The following SGCZ variants were observed in gnomAD, a reference collection of about 807,000 sequenced individuals.
The protein encoded by SGCZ is sarcoglycan zeta.
Under a neutral mutation model 41.3 loss-of-function variants are expected in SGCZ, and 40 were observed. The ratio of observed to expected loss-of-function variants is 0.97; its 90% CI spans 0.75 to 1.26. The LOEUF is 1.26. SGCZ is among the 50% of genes most tolerant of loss of function. The pLI is 0.00. For missense variants in SGCZ, 552 were observed against 369.8 expected (o/e 1.49, Z -4.04); for synonymous variants, 206 against 137.5 (o/e 1.50, Z -3.49).
At chr8:14,158,470 C>G (rs1407940421) in intron 5 of SGCZ, among the ~76,000 whole-genome samples, 1 of 152,108 alleles carries the variant, frequency 6.6e-6, no homozygotes, top group Non-Finnish European at 1.5e-5. Flanking sequence ...TAGTCTGCCT[C>G]TCCCAGTCCA....
chr8:15,198,891 G>T (rs1331002491), intron 1 of SGCZ, among the ~76,000 whole-genome samples: 2 of 152,070 alleles, frequency 1.3e-5, no homozygotes, highest in Non-Finnish European at 2.9e-5. Context: ...GTCAGATTTA[G>T]GTATCAAGGA....
chr8:14,838,578 T>C (rs931617384), intron 1 of SGCZ, among the ~76,000 whole-genome samples: 2 of 152,162 alleles, frequency 1.3e-5, no homozygotes, highest in Non-Finnish European at 2.9e-5. Flanking sequence ...TGAAGCTGTT[T>C]ACCTCCCCTG....
At chr8:14,501,071 A>G (rs541608632) in intron 2 of SGCZ, among the ~76,000 whole-genome samples, 1 of 152,188 alleles carries the variant, frequency 6.6e-6, no homozygotes, top group South Asian at 2.1e-4. Flanking sequence ...AGCTGTTAGT[A>G]GGGTTGCATT....
chr8:14,313,567 C>T (rs1175707822), intron 3 of SGCZ, among the ~76,000 whole-genome samples: 1 of 152,144 alleles, frequency 6.6e-6, no homozygotes, highest in Non-Finnish European at 1.5e-5. Context: ...TCTGCCTGAC[C>T]TCAAGTGGTC....
chr8:15,029,279 A>T (rs895061215), intron 1 of SGCZ, among the ~76,000 whole-genome samples: 5 of 152,090 alleles, frequency 3.3e-5, no homozygotes, highest in African/African-American at 1.2e-4. Context: ...AGCACTTAGA[A>T]TTAGCAGTGG....
At chr8:14,873,547 G>C (rs775371828) in intron 1 of SGCZ, among the ~76,000 whole-genome samples, 2 of 152,072 alleles carry the variant, frequency 1.3e-5, no homozygotes, top group African/African-American at 4.8e-5. Context: ...TTGAGATCAA[G>C]AGTAGCCGTT....
chr8:15,193,963 G>A (rs909922987), intron 1 of SGCZ, among the ~76,000 whole-genome samples: 19 of 152,030 alleles, frequency 1.2e-4, no homozygotes, highest in Non-Finnish European at 2.8e-4. Flanking sequence ...TAAAAGCTGG[G>A]CAAATTCTCA....
intron 1 of SGCZ, among the ~76,000 whole-genome samples, chr8:14,848,725 A>C (rs935835453): frequency 2.0e-5 from 3 of 152,210 alleles, no homozygotes; most frequent in African/African-American, 7.2e-5. Context: ...GTAAATCCTA[A>C]AGCAATAAAA....
intron 1 of SGCZ, among the ~76,000 whole-genome samples, chr8:14,584,537 T>A (rs922004861): frequency 1.3e-5 from 2 of 152,080 alleles, no homozygotes; most frequent in Admixed American, 6.6e-5. Flanking sequence ...GGGAGACAGA[T>A]GAGAAACGTG....
intron 2 of SGCZ, among the ~76,000 whole-genome samples, chr8:14,422,286 G>A (rs764863737): frequency 6.6e-6 from 1 of 152,116 alleles, no homozygotes; most frequent in Non-Finnish European, 1.5e-5. Flanking sequence ...AAGGAGTCTG[G>A]ATCTTTGTTT....
intron 4 of SGCZ, among the ~76,000 whole-genome samples, chr8:14,189,229 G>A (rs1475017182): frequency 6.6e-6 from 1 of 152,014 alleles, no homozygotes; most frequent in South Asian, 2.1e-4. Flanking sequence ...ATCTTAGTGG[G>A]TAACTCTGCT....
At chr8:14,226,370 T>C (rs1451136367) in intron 4 of SGCZ, among the ~76,000 whole-genome samples, 2 of 152,078 alleles carry the variant, frequency 1.3e-5, no homozygotes, top group Admixed American at 6.6e-5. Context: ...GAAAACTCTC[T>C]TGTGCTATCG....
chr8:14,166,489 G>C (rs1367181551), intron 4 of SGCZ, among the ~76,000 whole-genome samples: 3 of 152,078 alleles, frequency 2.0e-5, no homozygotes, highest in African/African-American at 4.8e-5. Context: ...CTTACTCTGA[G>C]GGACCCAGGC....
At chr8:14,680,964 G>GAAAAAAAAAAAAAAAAA (rs71209075) in intron 1 of SGCZ, among the ~76,000 whole-genome samples, 1 of 117,938 alleles carries the variant, frequency 8.5e-6, no homozygotes, top group African/African-American at 3.2e-5. Context: ...AAAAGAGTGG[G>GAAAAAAAAAAAAAAAAA]AAAAAAAAAA....
intron 2 of SGCZ, among the ~76,000 whole-genome samples, chr8:14,413,997 T>C (rs1428552762): frequency 1.3e-5 from 2 of 151,996 alleles, no homozygotes; most frequent in Admixed American, 6.6e-5. Flanking sequence ...CGAGACTGTT[T>C]CTCAAGATAC....
chr8:14,652,649 C>T (rs968088048), intron 1 of SGCZ, among the ~76,000 whole-genome samples: 3 of 151,812 alleles, frequency 2.0e-5, no homozygotes, highest in East Asian at 1.9e-4. Context: ...AAACTATGTG[C>T]CATTTTGTCT....
chr8:15,037,553 G>T (rs553226535), intron 1 of SGCZ, among the ~76,000 whole-genome samples: 1 of 152,102 alleles, frequency 6.6e-6, no homozygotes. Flanking sequence ...TTTCCTCTGA[G>T]ATCAGTACAT....
chr8:14,671,419 A>C (rs187005596), intron 1 of SGCZ, among the ~76,000 whole-genome samples: 16 of 152,322 alleles, frequency 1.1e-4, no homozygotes, highest in Non-Finnish European at 1.9e-4. Context: ...AGAAAAGAAA[A>C]AGCCAAGTTT....
chr8:15,097,911 C>CAT (rs1482144936), intron 1 of SGCZ, among the ~76,000 whole-genome samples: 1 of 90,348 alleles, frequency 1.1e-5, no homozygotes, highest in Non-Finnish European at 2.2e-5. Flanking sequence ...TATATATATA[C>CAT]GTGTGTATAT....
Sources: allele counts gnomAD v4.1 joint callset (sites outside exome capture counted in the v4.1 genomes callset), GRCh38; gene constraint gnomAD v4.1.1; transcripts MANE v1.5; gene names NCBI Gene and HGNC (gene_info 2026-07-23, HGNC 2026-07-21).